The following PTPRG variants were observed in gnomAD, a reference collection of about 807,000 sequenced individuals.
PTPRG encodes protein tyrosine phosphatase receptor type G, also known as receptor-type tyrosine-protein phosphatase gamma.
A neutral mutation model predicts 165.3 loss-of-function variants in PTPRG; 102 were observed. That is an observed-to-expected ratio of 0.62 (90% CI 0.53 to 0.73). The LOEUF (loss-of-function observed/expected upper bound fraction) is 0.73, where lower values mean the gene tolerates loss of function less well. Among genes scored for constraint, PTPRG ranks in the 30% least tolerant of loss-of-function variants. PTPRG has a pLI of 0.00. For synonymous variants in PTPRG, 675 were observed against 669.5 expected, an observed-to-expected ratio of 1.01 and a Z score of -0.13; for missense variants, 1,866 against 1,861.4, an observed-to-expected ratio of 1.00 and a Z score of -0.05.
intron 2 of PTPRG, among the ~76,000 whole-genome samples, chr3:61,785,570 C>G (rs971865954): frequency 5.3e-5 from 8 of 152,154 alleles, no homozygotes; most frequent in Admixed American, 2.0e-4. Flanking sequence ...CAGTCTTGCT[C>G]TATTCTGCTG....
intron 4 of PTPRG, among the ~76,000 whole-genome samples, chr3:62,063,937 C>G (rs774395993): frequency 2.0e-5 from 3 of 152,118 alleles, no homozygotes; most frequent in Non-Finnish European, 4.4e-5. Context: ...AGATTACACC[C>G]TGCGTGATGT....
intron 1 of PTPRG, among the ~76,000 whole-genome samples, chr3:61,577,300 A>G (rs1700191698): frequency 1.3e-5 from 2 of 152,150 alleles, no homozygotes; most frequent in Admixed American, 6.5e-5. Context: ...GTAATCCCGT[A>G]TTTGTTTCCT....
chr3:62,116,690 A>C (rs1049772773), intron 5 of PTPRG, among the ~76,000 whole-genome samples: 3 of 152,212 alleles, frequency 2.0e-5, no homozygotes, highest in African/African-American at 7.2e-5. Flanking sequence ...ATGGGTGTAT[A>C]CAGATGTGAA....
intron 15 of PTPRG, among the ~76,000 whole-genome samples, chr3:62,246,690 T>G (rs1258544057): frequency 6.6e-6 from 1 of 152,180 alleles, no homozygotes; most frequent in Non-Finnish European, 1.5e-5. Context: ...TCATTTTAAA[T>G]GATTTATCTT....
rs1309688010 is a variant in PTPRG at position 61,698,598 on chromosome 3, GA to G, written c.86-50277del. ...CTAATCCTTACGTAGCAGTGGTTCT[GA>G]AACCTTTTAATTTCAGATCTCCTTT... On this transcript the variant is annotated intron_variant, in intron 1 of 29. Coordinates refer to ENST00000474889, the MANE Select transcript of PTPRG (RefSeq NM_002841.4). 9.9e-5 allele frequency among the ~76,000 whole-genome samples: 15 copies of G among 152,260 alleles called. No homozygotes were observed. The East Asian group carries it at 2.7e-3, about 27-fold the overall frequency.
intron 1 of PTPRG, among the ~76,000 whole-genome samples, chr3:61,660,109 C>G (rs947010698): frequency 9.2e-5 from 14 of 152,098 alleles, no homozygotes; most frequent in African/African-American, 3.4e-4. Context: ...CCTGTAGTCC[C>G]AGCTACTCAG....
chr3:61,668,399 C>T lies in PTPRG; in HGVS notation c.86-80479C>T, dbSNP rs185740063. Among the ~76,000 whole-genome samples the T allele has an allele frequency of 7.2e-5, 11 of 152,160 alleles. No homozygotes were observed. In the East Asian group the frequency reaches 1.2e-3, roughly 16 times the overall value. On this transcript the variant is annotated intron_variant, in intron 1 of 29. Transcript: ENST00000474889. The stretch of plus-strand genomic sequence containing the variant: ...ACTCTCTATAGTACTCTAGAAAGCC[C>T]GGCTTTAACTCTGCAAAATTTGAAA...
chr3:62,035,081 T>C (rs1481928357), intron 4 of PTPRG, among the ~76,000 whole-genome samples: 1 of 151,972 alleles, frequency 6.6e-6, no homozygotes, highest in African/African-American at 2.4e-5. Context: ...CTCTGCTAGA[T>C]CAGGGAATGG....
At chr3:61,609,124 C>T (rs574182051) in intron 1 of PTPRG, among the ~76,000 whole-genome samples, 3 of 152,274 alleles carry the variant, frequency 2.0e-5, no homozygotes, top group South Asian at 2.1e-4. Context: ...CTCTTCAGGA[C>T]GATATACCTT....
chr3:62,064,123 A>G (rs1700916867), intron 4 of PTPRG, among the ~76,000 whole-genome samples: 1 of 129,182 alleles, frequency 7.7e-6, no homozygotes, highest in Non-Finnish European at 1.9e-5. Flanking sequence ...TGCTCATTTC[A>G]AGGGAGACTT....
chr3:62,128,011 G>A (rs1323990220), intron 5 of PTPRG, among the ~76,000 whole-genome samples: 1 of 152,100 alleles, frequency 6.6e-6, no homozygotes, highest in South Asian at 2.1e-4. Flanking sequence ...ATGTGAATTT[G>A]GCCTTCAGTC....
intron 2 of PTPRG, among the ~76,000 whole-genome samples, chr3:61,863,195 CCCCCT>C (rs1198041490): frequency 2.0e-5 from 3 of 152,198 alleles, no homozygotes; most frequent in Non-Finnish European, 4.4e-5. Flanking sequence ...GACGGGGCTT[CCCCCT>C]CTTTGAGCAG....
intron 1 of PTPRG, among the ~76,000 whole-genome samples, chr3:61,740,095 C>T (rs1250949800): frequency 6.6e-6 from 1 of 152,118 alleles, no homozygotes; most frequent in Admixed American, 6.6e-5. Flanking sequence ...TGCTGTTTGC[C>T]ATTTCTGCTG....
At chr3:62,209,262 A>G (rs1269813815) in intron 12 of PTPRG, among the ~76,000 whole-genome samples, 1 of 152,182 alleles carries the variant, frequency 6.6e-6, no homozygotes, top group Non-Finnish European at 1.5e-5. Flanking sequence ...TCGTGGGTAG[A>G]GGCCAGGCCT....
chr3:61,791,750 A>G (rs190229529), intron 2 of PTPRG, among the ~76,000 whole-genome samples: 16 of 152,304 alleles, frequency 1.1e-4, no homozygotes, highest in East Asian at 9.7e-4. Context: ...GGCTTCCCAG[A>G]GTGCTGGGAT....
intron 1 of PTPRG, among the ~76,000 whole-genome samples, chr3:61,662,562 G>A (rs1168203661): frequency 6.6e-6 from 1 of 152,222 alleles, no homozygotes; most frequent in Non-Finnish European, 1.5e-5. Context: ...AATGTTTGTT[G>A]TTAGAAGCCA....
intron 2 of PTPRG, among the ~76,000 whole-genome samples, chr3:61,910,862 G>A (rs891778869): frequency 2.6e-5 from 4 of 152,138 alleles, no homozygotes; most frequent in African/African-American, 9.7e-5. Context: ...TGGCACTTAG[G>A]TGGAAGGCCT....
intron 6 of PTPRG, among the ~76,000 whole-genome samples, chr3:62,140,906 G>A (rs1341271970): frequency 6.7e-6 from 1 of 148,458 alleles, no homozygotes; most frequent in East Asian, 1.9e-4. Context: ...TGAGTGAAAA[G>A]GAACCTGAGG....
chr3:61,789,094 CTTTTCTTTTT>C (rs1004257255), intron 2 of PTPRG, among the ~76,000 whole-genome samples: 3 of 151,908 alleles, frequency 2.0e-5, no homozygotes, highest in African/African-American at 7.3e-5. Flanking sequence ...TCCTCCTTTT[CTTTTCTTTTT>C]TTCTTTTTCT....
Sources: allele counts gnomAD v4.1 joint callset (sites outside exome capture counted in the v4.1 genomes callset), GRCh38; gene constraint gnomAD v4.1.1; transcripts MANE v1.5; gene names NCBI Gene and HGNC (gene_info 2026-07-23, HGNC 2026-07-21).